The following OR51B5 variants were observed in gnomAD, a reference collection of about 807,000 sequenced individuals.
OR51B5 encodes the protein olfactory receptor 51B5.
For missense variants in OR51B5, 456 were observed against 374.6 expected (o/e 1.22, Z -1.79); for synonymous variants, 186 against 144.8 (o/e 1.28, Z -2.04).
intron 1 of OR51B5, chr11:5,453,344 T>G (rs2133786796): frequency 1.9e-6 from 1 of 514,818 alleles, no homozygotes; most frequent in Middle Eastern, 4.7e-4. Context: ...AAGCAGTGAT[T>G]TCATGAATGC....
chr11:5,456,996 C>T (rs2133790665), intron 1 of OR51B5, among the ~76,000 whole-genome samples: 2 of 152,316 alleles, frequency 1.3e-5, no homozygotes, highest in Middle Eastern at 6.8e-3. Context: ...TTTCCTGAGG[C>T]CTTCCCAGAA....
chr11:5,446,391 A>G (rs1850764611), intron 1 of OR51B5, among the ~76,000 whole-genome samples: 1 of 152,150 alleles, frequency 6.6e-6, no homozygotes, highest in African/African-American at 2.4e-5. Flanking sequence ...AATTCTTTCA[A>G]GTTTTCTGTG....
chr11:5,400,355 A>C (rs1414118186), intron 1 of OR51B5, among the ~76,000 whole-genome samples: 2 of 152,128 alleles, frequency 1.3e-5, no homozygotes, highest in African/African-American at 4.8e-5. Context: ...TTAATATCCT[A>C]TTACATCTAC....
At chr11:5,452,923 A>G (rs1298910039) in intron 1 of OR51B5, among the ~76,000 whole-genome samples, 2 of 152,160 alleles carry the variant, frequency 1.3e-5, no homozygotes, top group African/African-American at 4.8e-5. Context: ...CTGCCTCTGG[A>G]GGCAGTCAAT....
chr11:5,412,721 C>T (rs533395533), intron 1 of OR51B5, among the ~76,000 whole-genome samples: 5 of 152,168 alleles, frequency 3.3e-5, no homozygotes, highest in South Asian at 2.1e-4. Flanking sequence ...AACTGCAAGG[C>T]GGCAGCCAGG....
chr11:5,394,516 C>G (rs1486554456), intron 1 of OR51B5, among the ~76,000 whole-genome samples: 4 of 152,200 alleles, frequency 2.6e-5, no homozygotes, highest in Non-Finnish European at 5.9e-5. Context: ...ATCTTTACAA[C>G]TATCCCGTTA....
intron 1 of OR51B5, among the ~76,000 whole-genome samples, chr11:5,458,549 T>C (rs1590008499): frequency 6.6e-6 from 1 of 152,224 alleles, no homozygotes. Context: ...CTTTGGGCAG[T>C]GTGGTTATTT....
intron 1 of OR51B5, among the ~76,000 whole-genome samples, chr11:5,365,003 A>C (rs1317268545): frequency 6.6e-6 from 1 of 152,242 alleles, no homozygotes; most frequent in East Asian, 1.9e-4. Flanking sequence ...TTTCTCAAGT[A>C]ACTGCTTCTT....
chr11:5,503,814 T>C (rs563332925), intron 1 of OR51B5, among the ~76,000 whole-genome samples: 3 of 152,330 alleles, frequency 2.0e-5, no homozygotes, highest in African/African-American at 7.2e-5. Flanking sequence ...TCTGCCCTGC[T>C]CTACTTTTTG....
intron 1 of OR51B5, among the ~76,000 whole-genome samples, chr11:5,460,720 C>T (rs1303617288): frequency 1.3e-5 from 2 of 152,206 alleles, no homozygotes; most frequent in African/African-American, 2.4e-5. Flanking sequence ...TTCCCTTAAT[C>T]TTTGAAGTTG....
intron 1 of OR51B5, among the ~76,000 whole-genome samples, chr11:5,353,517 C>T (rs1291423971): frequency 6.6e-6 from 1 of 152,130 alleles, no homozygotes; most frequent in African/African-American, 2.4e-5. Flanking sequence ...ATGCTCATAA[C>T]TAGAAGATAA....
intron 1 of OR51B5, among the ~76,000 whole-genome samples, chr11:5,424,478 C>T (rs1386531830): frequency 6.6e-6 from 1 of 152,110 alleles, no homozygotes; most frequent in Admixed American, 6.6e-5. Flanking sequence ...CAGGATCTTC[C>T]CCTCTGCAAA....
chr11:5,431,181 G>T, intron 1 of OR51B5: 1 of 368,308 alleles, frequency 2.7e-6, no homozygotes, highest in Non-Finnish European at 5.4e-6. Context: ...AGATAATACG[G>T]GGCAGGGTCA....
chr11:5,412,761 G>T (rs1466211854), intron 1 of OR51B5, among the ~76,000 whole-genome samples: 1 of 152,082 alleles, frequency 6.6e-6, no homozygotes, highest in Non-Finnish European at 1.5e-5. Context: ...CATTGCCCAG[G>T]CTTGCTTAGG....
chr11:5,432,005 T>C (rs1192322281), intron 1 of OR51B5, among the ~76,000 whole-genome samples: 1 of 152,254 alleles, frequency 6.6e-6, no homozygotes, highest in Non-Finnish European at 1.5e-5. Context: ...CCTTGAGTGC[T>C]TATTACTTCT....
intron 1 of OR51B5, among the ~76,000 whole-genome samples, chr11:5,350,541 G>A (rs954259917): frequency 1.8e-4 from 28 of 152,138 alleles, no homozygotes; most frequent in African/African-American, 5.3e-4. Context: ...ATTCTAATGA[G>A]TCACAGAGCC....
Position 5,404,630 on chromosome 11 carries a change from G to A in OR51B5, n.85-57720C>T, listed in dbSNP as rs192843191. Among the ~76,000 whole-genome samples, 788 of 152,246 alleles carry A rather than the reference G, an allele frequency of 5.2e-3. 4 individuals are homozygous for A. Among genetic ancestry groups the A allele is most frequent in the Middle Eastern group, 0.031 (9 of 294 alleles). Reference sequence around the variant, plus strand: ...CAAGCCAGCAGCGGCAACCACCTGGGGTCCCCTTGCACGCTGTGGAAGCTT... The same window carrying A: ...CAAGCCAGCAGCGGCAACCACCTGGAGTCCCCTTGCACGCTGTGGAAGCTT... On this transcript the variant is annotated intron_variant and non_coding_transcript_variant, in intron 1 of 4. Coordinates refer to the OR51B5 transcript ENST00000415970.
intron 1 of OR51B5, chr11:5,390,007 T>G: frequency 6.2e-7 from 1 of 1,613,358 alleles, no homozygotes; most frequent in Non-Finnish European, 8.5e-7. Flanking sequence ...CCTGCACAGA[T>G]ATCACCTTCA....
At chr11:5,424,419 C>T (rs999641193) in intron 1 of OR51B5, among the ~76,000 whole-genome samples, 4 of 152,106 alleles carry the variant, frequency 2.6e-5, no homozygotes, top group Non-Finnish European at 5.9e-5. Context: ...TACCAGGCTT[C>T]CCGACTCACA....
Sources: allele counts gnomAD v4.1 joint callset (sites outside exome capture counted in the v4.1 genomes callset), GRCh38; gene constraint gnomAD v4.1.1; transcripts MANE v1.5; gene names NCBI Gene and HGNC (gene_info 2026-07-23, HGNC 2026-07-21).